RAI1: variants seen among roughly 807,000 people sequenced by gnomAD.
RAI1 encodes the protein retinoic acid induced 1.
In RAI1, 9 loss-of-function variants were observed where a neutral mutation model predicts 123.8. That is an observed-to-expected ratio of 0.07 (90% confidence interval 0.04 to 0.13). The LOEUF is 0.13. Ranked by LOEUF, RAI1 falls within the 10% of genes least tolerant of loss-of-function variation. The pLI, the probability that RAI1 is intolerant of heterozygous loss-of-function variation, is 1.00. For synonymous variants in RAI1, 1,231 were observed against 1,127.3 expected (o/e 1.09, Z -1.84); for missense variants, 2,256 against 2,545.8 (o/e 0.89, Z 2.45).
At chr17:17,784,663 A>G (rs1598080139) in intron 2 of RAI1, among the ~76,000 whole-genome samples, 1 of 152,274 alleles carries the variant, frequency 6.6e-6, no homozygotes, top group East Asian at 1.9e-4. Flanking sequence ...GGAGACCCCT[A>G]TGCCGTTTGG....
intron 2 of RAI1, chr17:17,759,255 G>T (rs529609398): frequency 6.6e-6 from 1 of 152,366 alleles, no homozygotes; most frequent in South Asian, 2.1e-4. Context: ...CAGGGAGCTT[G>T]TGGGCTCTTG....
At position 17,810,926 on chromosome 17, in the gene RAI1, A is replaced by G; in HGVS notation, c.*945A>G. On this transcript the variant is annotated 3_prime_UTR_variant, in exon 6 of 6. Coordinates refer to ENST00000353383, the MANE Select transcript of RAI1 (RefSeq NM_030665.4). This position sits in a 1 kb window ranked among gnomAD's most constrained non-coding sequence, Gnocchi z 4.6. ...GTACCCCTCTATATATATGTTACAT[A>G]GAATGTATATATGTTGGGAACATGC... 1 of 374,640 alleles carries G rather than the reference A, an allele frequency of 2.7e-6. No individual in the cohort carries two copies. The highest frequency in any genetic ancestry group is 1.8e-5 in the South Asian group (1 of 55,346). 23.2% of individuals were successfully genotyped at this position (374,640 alleles called of 1,614,324 possible).
chr17:17,737,455 ACCAGAGGGAGGCCAGAGCTG>A (rs1345999253), intron 2 of RAI1, among the ~76,000 whole-genome samples: 3 of 152,094 alleles, frequency 2.0e-5, no homozygotes, highest in Non-Finnish European at 4.4e-5. Context: ...CTGGAATACT[ACCAGAGGGAGGCCAGAGCTG>A]CCCAGTCTTA....
Position 17,775,175 on chromosome 17 carries a change from C to T in RAI1, c.-16-17758C>T, listed in dbSNP as rs189577919. Among the ~76,000 whole-genome samples the T allele has an allele frequency of 2.0e-5, 3 of 152,038 alleles. No individual in the cohort carries two copies. The East Asian group carries it at 5.8e-4, about 29-fold the overall frequency. Reference sequence around the variant, plus strand: ...AATGTGGGGGTTAGGGACGCTGACCCCCACACAGCTGAAAATTCATGTGTA... The same window carrying T: ...AATGTGGGGGTTAGGGACGCTGACCTCCACACAGCTGAAAATTCATGTGTA... On this transcript the variant is annotated intron_variant, in intron 2 of 5. Coordinates refer to ENST00000353383, the MANE Select transcript of RAI1 (RefSeq NM_030665.4).
At chr17:17,715,925 G>A (rs960227538) in intron 1 of RAI1, among the ~76,000 whole-genome samples, 28 of 152,226 alleles carry the variant, frequency 1.8e-4, no homozygotes, top group African/African-American at 6.3e-4. Context: ...CAGGAGTGGA[G>A]GAGTGCTGGA....
At chr17:17,751,071 C>T (rs2030149435) in intron 2 of RAI1, among the ~76,000 whole-genome samples, 1 of 152,230 alleles carries the variant, frequency 6.6e-6, no homozygotes, top group Non-Finnish European at 1.5e-5. Context: ...CTTTCTGGCT[C>T]TTTATGATTG....
At chr17:17,704,250 G>A (rs1227987439) in intron 1 of RAI1, among the ~76,000 whole-genome samples, 3 of 152,264 alleles carry the variant, frequency 2.0e-5, no homozygotes, top group South Asian at 2.1e-4. Context: ...AAGACTTGAA[G>A]TCTCGTTTCA....
intron 2 of RAI1, among the ~76,000 whole-genome samples, chr17:17,755,935 C>T (rs2030420874): frequency 6.6e-6 from 1 of 152,242 alleles, no homozygotes; most frequent in African/African-American, 2.4e-5. Context: ...ATAAATCCAG[C>T]TGGCCGCTCT....
At position 17,809,299 on chromosome 17, in the gene RAI1, C is replaced by A; in HGVS notation, c.5660-91C>A. On this transcript the variant is annotated intron_variant, in intron 4 of 5. Coordinates refer to ENST00000353383, the MANE Select transcript of RAI1 (RefSeq NM_030665.4). The surrounding 1 kb of genome is among the most constrained non-coding windows in gnomAD (Gnocchi z 4.9). ...CCCCTGCAGTCTGGAGCCTCGCGGG[C>A]AGTGCGGCTCCCCTCCTGGCTGCAG... 1 of 1,098,860 alleles carries A rather than the reference C, an allele frequency of 9.1e-7. No homozygotes were observed. The highest frequency in any genetic ancestry group is 1.4e-6 in the Non-Finnish European group (1 of 711,814). The allele number at this position is 1,098,860 out of a possible 1,614,324, so 68.1% of individuals were successfully genotyped here.
At chr17:17,724,708 T>C in intron 2 of RAI1, among the ~76,000 whole-genome samples, 1 of 152,066 alleles carries the variant, frequency 6.6e-6, no homozygotes, top group East Asian at 1.9e-4. Context: ...GAGCGCGGCC[T>C]CCCTGGGGAC....
chr17:17,762,399 G>A (rs537227629), intron 2 of RAI1, among the ~76,000 whole-genome samples: 16 of 151,966 alleles, frequency 1.1e-4, no homozygotes, highest in Non-Finnish European at 1.8e-4. Flanking sequence ...GCATGGGAGC[G>A]GGGTGGGAAA....
At chr17:17,722,876 T>C (rs934578173) in intron 1 of RAI1, among the ~76,000 whole-genome samples, 2 of 152,130 alleles carry the variant, frequency 1.3e-5, no homozygotes, top group Admixed American at 6.5e-5. Context: ...CACGTCGCGC[T>C]GCGCCGCGAC....
rs1307364069 is a variant in RAI1, at chr17:17,688,173, A to G, written c.-149+6380A>G. Among the ~76,000 whole-genome samples the G allele has an allele frequency of 2.6e-5, 4 of 151,644 alleles. No individual in the cohort carries two copies. The South Asian group carries it at 6.2e-4, about 24-fold the overall frequency. On this transcript the variant is annotated intron_variant, in intron 1 of 5. Coordinates refer to ENST00000353383, the MANE Select transcript of RAI1 (RefSeq NM_030665.4). ...TACCAGCTGCTCACTGTGGGGCTCC[A>G]TTTCCCTCCCCTTTAAAATGAGGAT...
At chr17:17,802,204 G>A (rs780487726) in intron 3 of RAI1, 1 of 469,758 alleles carries the variant, frequency 2.1e-6, no homozygotes, top group South Asian at 1.6e-5. Context: ...GCAGAGGACA[G>A]TTTTGAGACT....
intron 1 of RAI1, among the ~76,000 whole-genome samples, chr17:17,706,784 C>T (rs948789905): frequency 5.3e-5 from 8 of 152,242 alleles, no homozygotes; most frequent in Admixed American, 2.0e-4. Context: ...CACATTTCTT[C>T]TCTGTGTGGG....
chr17:17,748,350 G>C (rs543993420), intron 2 of RAI1, among the ~76,000 whole-genome samples: 10 of 152,348 alleles, frequency 6.6e-5, no homozygotes, highest in Non-Finnish European at 1.5e-4. Context: ...CATGGAGAAG[G>C]GGACAGCCAG....
Position 17,797,456 on chromosome 17 carries a change from A to C in RAI1, c.4508A>C (p.Glu1503Ala). Reference protein sequence around the residue: ...GGGGKKPKMEELGLASQPPEG... With the variant: ...GGGGKKPKMEALGLASQPPEG... The stretch of plus-strand genomic sequence containing the variant: ...GGAGGCAAGAAGCCAAAGATGGAGG[A>C]GCTGGGCCTGGCCTCCCAGCCCCCG... The change falls in exon 3 of 6, where the codon GAG (glutamate) becomes GCG (alanine). Residue 1503 changes from glutamate (E) to alanine (A), a missense_variant. Physicochemically the swap from Glu to Ala is moderately radical, Grantham distance 107. This residue lies in a region of RAI1 where 410 missense variants were observed against 374.6 expected (regional missense o/e 1.09). Coordinates refer to ENST00000353383, the MANE Select transcript of RAI1 (RefSeq NM_030665.4). 1 of 1,613,356 alleles carries C rather than the reference A, an allele frequency of 6.2e-7. No homozygotes were observed. The highest frequency in any genetic ancestry group is 8.5e-7 in the Non-Finnish European group (1 of 1,179,878).
At position 17,803,865 on chromosome 17, in the gene RAI1, G is replaced by A. The variant is rs2032540508; in HGVS notation, c.5659+16G>A. 2.5e-6 allele frequency: 4 copies of A among 1,608,766 alleles called. No homozygotes were observed. The highest frequency in any genetic ancestry group is 2.2e-5 in the East Asian group (1 of 44,842). On this transcript the variant is annotated intron_variant, in intron 4 of 5. Coordinates refer to ENST00000353383, the MANE Select transcript of RAI1 (RefSeq NM_030665.4). ...AGCGATGCAGGTACGAGCCCGCCCAGGAACAGGAGGGCATTGGAGCCCATC... is the reference window on the plus strand; with the variant it reads ...AGCGATGCAGGTACGAGCCCGCCCAAGAACAGGAGGGCATTGGAGCCCATC...
chr17:17,793,320 ACAGCCACCACCCCCACAGCCG>A lies in RAI1; in HGVS notation c.380_400del (p.Pro127_Pro133del), dbSNP rs753852376. On this transcript the variant is annotated inframe_deletion, in exon 3 of 6. Transcript: ENST00000353383. Reference sequence around the variant, plus strand: ...AGAGCCTTCAGGCTTGGGGGGCCCCACAGCCACCACCCCCACAGCCGCAGCCACTACCTGCAGGGGTGGCCA... The same window carrying A: ...AGAGCCTTCAGGCTTGGGGGGCCCCACAGCCACTACCTGCAGGGGTGGCCA... The A allele has an allele frequency of 1.2e-6, 2 of 1,612,238 alleles. No individual in the cohort carries two copies. The highest frequency in any genetic ancestry group is 1.3e-5 in the African/African-American group (1 of 74,874).
Sources: gnomAD v4.1 joint callset for allele counts (sites outside exome capture counted in the v4.1 genomes callset) on GRCh38, gnomAD v4.1.1 for gene constraint, gnomAD v4.1.1 regional missense constraint, Gnocchi (gnomAD v3.1) non-coding constraint, MANE v1.5 for transcripts, NCBI Gene and HGNC (gene_info 2026-07-23, HGNC 2026-07-21) for gene names.